Variants in PCDH1 observed in about 807,000 individuals in gnomAD.
PCDH1 encodes protocadherin-1.
In PCDH1, 23 loss-of-function variants were observed where a neutral mutation model predicts 74.6. That is an observed-to-expected ratio of 0.31 (90% confidence interval 0.22 to 0.44). PCDH1 has a LOEUF of 0.44. Among genes scored for constraint, PCDH1 ranks in the 20% least tolerant of loss-of-function variants. The pLI, the probability that PCDH1 is intolerant of heterozygous loss-of-function variation, is 1.00. For synonymous variants in PCDH1, 647 were observed against 686.1 expected, an observed-to-expected ratio of 0.94 and a Z score of 0.89; for missense variants, 1,214 against 1,641.4, an observed-to-expected ratio of 0.74 and a Z score of 4.50.
Position 141,863,869 on chromosome 5 carries a change from A to T in PCDH1, c.2462T>A (p.Leu821Gln). 3 of 1,614,190 alleles carry T rather than the reference A, an allele frequency of 1.9e-6. No individual in the cohort carries two copies. Among genetic ancestry groups the T allele is most frequent in the Non-Finnish European group, 2.5e-6 (3 of 1,180,026 alleles). Residue 821 changes from leucine (L) to glutamine (Q), a missense_variant, in exon 3 of 5, where the codon CTG becomes CAG. Physicochemically the swap from Leu to Gln is moderately radical, Grantham distance 113. Around this residue, in one of 4 missense-constraint regions of PCDH1, gnomAD observed 836 missense variants for 1,182.2 expected, o/e 0.71. Coordinates refer to ENST00000287008, the MANE Select transcript of PCDH1 (RefSeq NM_032420.5). The surrounding 1 kb of genome is among the most constrained non-coding windows in gnomAD (Gnocchi z 7.5). The part of the protein sequence containing the change: ...YVNETLANRT[L>Q]LETLLGHSLD... ...GCTGTGGCCCAGGAGGGTCTCCAGCAGCGTGCGGTTGGCCAGAGTCTCATT... is the reference window on the plus strand; with the variant it reads ...GCTGTGGCCCAGGAGGGTCTCCAGCTGCGTGCGGTTGGCCAGAGTCTCATT...
intron 4 of PCDH1, among the ~76,000 whole-genome samples, 200 bp from the exon 5 acceptor site, chr5:141,854,636 G>A (rs1245406453): frequency 1.3e-5 from 2 of 151,774 alleles, no homozygotes; most frequent in African/African-American, 2.4e-5. Flanking sequence ...CTGTACACAC[G>A]CACACGCACA....
At chr5:141,855,473 ACTCT>A (rs141008706) in intron 4 of PCDH1, among the ~76,000 whole-genome samples, 10 of 149,600 alleles carry the variant, frequency 6.7e-5, no homozygotes, top group Non-Finnish European at 1.2e-4. Flanking sequence ...GACACAATCA[ACTCT>A]CTCTCTCTCT....
rs1752768882 is a variant in PCDH1 at position 141,865,223 on chromosome 5, G to A, written c.1108C>T (p.Arg370Cys). ...TTCACGGTCACAACCACCTGGGCAC[G>A]GGCACTCTTGGGGTTGGTGCCTCGG... is the stretch of plus-strand genomic sequence containing the variant. ...KDRGTNPKSA[R>C]AQVVVTVKDM... The change falls in exon 3 of 5, where the codon CGT becomes TGT. Residue 370 changes from arginine to cysteine, a missense_variant. This residue lies in a region of PCDH1 where 836 missense variants were observed against 1,182.2 expected (regional missense o/e 0.71). Coordinates refer to ENST00000287008, the MANE Select transcript of PCDH1 (RefSeq NM_032420.5). This position sits in a 1 kb window ranked among gnomAD's most constrained non-coding sequence, Gnocchi z 4.4. 7 of 1,614,024 alleles carry A rather than the reference G, an allele frequency of 4.3e-6. No homozygotes were observed. Among genetic ancestry groups the A allele is most frequent in the Non-Finnish European group, 5.1e-6 (6 of 1,180,038 alleles).
At position 141,863,568 on chromosome 5, in the gene PCDH1, G is replaced by C; in HGVS notation, c.2763C>G (p.Pro921=). Residue 921 remains proline (P), a synonymous_variant, in exon 3 of 5, where the codon CCC becomes CCG. Coordinates refer to ENST00000287008, the MANE Select transcript of PCDH1 (RefSeq NM_032420.5). The surrounding 1 kb of genome is among the most constrained non-coding windows in gnomAD (Gnocchi z 7.5). ...SKGKKSKSPK[P]VKPVEDEDEA... is the part of the protein sequence containing the mutation. ...CATCCTCGTCCTCCACTGGCTTCACGGGCTTTGGGGACTTGCTCTTCTTGC... is the reference window on the plus strand; with the variant it reads ...CATCCTCGTCCTCCACTGGCTTCACCGGCTTTGGGGACTTGCTCTTCTTGC... 6.2e-7 allele frequency: 1 copy of C among 1,614,164 alleles called. No homozygotes were observed. The highest frequency in any genetic ancestry group is 8.5e-7 in the Non-Finnish European group (1 of 1,180,012).
chr5:141,864,597 A>G lies in PCDH1; in HGVS notation c.1734T>C (p.Tyr578=), dbSNP rs375340350. The G allele has an allele frequency of 1.2e-6, 2 of 1,613,594 alleles. No homozygotes were observed. Among genetic ancestry groups the G allele is most frequent in the Non-Finnish European group, 1.7e-6 (2 of 1,180,022 alleles). ...TSLDREQRES[Y]ELKVVAADRG... is the part of the protein sequence containing the mutation. ...GGTCAGCTGCCACCACCTTCAACTC[A>G]TAGCTCTCCCGCTGTTCCCGATCCA... The change falls in exon 3 of 5, where the codon TAT becomes TAC. Residue 578 remains tyrosine (Y), a synonymous_variant. Transcript: ENST00000287008. The surrounding 1 kb of genome is among the most constrained non-coding windows in gnomAD (Gnocchi z 5.9).
At chr5:141,874,667 C>T (rs1753175980) in intron 1 of PCDH1, among the ~76,000 whole-genome samples, 1 of 152,186 alleles carries the variant, frequency 6.6e-6, no homozygotes, top group Admixed American at 6.5e-5. Flanking sequence ...CCAGCCCACC[C>T]CGGGGACCAA....
In PCDH1 at chr5:141,868,187, C is replaced by G. The variant is rs540366985; in HGVS notation, c.903+382G>C. ...AACTATCCCTGGTTGGGAAGATACT[C>G]TCATCTCAGGAGAGATTCTACCTGG... On this transcript the variant is annotated intron_variant, in intron 2 of 4. Coordinates refer to ENST00000287008, the MANE Select transcript of PCDH1 (RefSeq NM_032420.5). The surrounding 1 kb of genome is among the most constrained non-coding windows in gnomAD (Gnocchi z 4.8). 3.3e-5 allele frequency among the ~76,000 whole-genome samples: 5 copies of G among 152,354 alleles called. No individual in the cohort carries two copies. In the South Asian group the frequency reaches 8.3e-4, roughly 25 times the overall value.
intron 3 of PCDH1, chr5:141,862,559 G>T: frequency 1.1e-6 from 1 of 890,298 alleles, no homozygotes; most frequent in East Asian, 1.2e-4. Context: ...CAAAGAGAAG[G>T]GAAGGGGAAA....
intron 4 of PCDH1, chr5:141,856,362 AC>A: frequency 1.7e-5 from 1 of 57,674 alleles, no homozygotes; most frequent in Non-Finnish European, 3.2e-5. Context: ...GGGAGGTTAG[AC>A]AAGGGCCCGG....
chr5:141,869,604 T>C lies in PCDH1; in HGVS notation c.41-173A>G. On this transcript the variant is annotated intron_variant, in intron 1 of 4. Coordinates refer to ENST00000287008, the MANE Select transcript of PCDH1 (RefSeq NM_032420.5). This position sits in a 1 kb window ranked among gnomAD's most constrained non-coding sequence, Gnocchi z 4.9. The stretch of plus-strand genomic sequence containing the variant: ...CAGAAACTCAGATCCCTGAATCTCA[T>C]CCACAGCTGGGTGTAGCAGCAGTGT... 1 of 1,534,844 alleles carries C rather than the reference T, an allele frequency of 6.5e-7. No homozygotes were observed. Among genetic ancestry groups the C allele is most frequent in the South Asian group, 1.2e-5 (1 of 83,220 alleles).
intron 3 of PCDH1, among the ~76,000 whole-genome samples, chr5:141,860,292 C>T (rs1030054144): frequency 2.6e-5 from 4 of 152,062 alleles, no homozygotes; most frequent in South Asian, 4.1e-4. Flanking sequence ...GTGGGCAGAT[C>T]GCTTGAGCCC....
chr5:141,858,133 C>A (rs62381421), intron 3 of PCDH1, among the ~76,000 whole-genome samples: 20,833 of 152,228 alleles, frequency 0.14, 1,651 homozygotes, highest in Non-Finnish European at 0.18. Context: ...CTGTGTTCCT[C>A]ATCCCTGGTT....
At chr5:141,859,844 C>T (rs1752498339) in intron 3 of PCDH1, among the ~76,000 whole-genome samples, 1 of 152,196 alleles carries the variant, frequency 6.6e-6, no homozygotes, top group South Asian at 2.1e-4. Context: ...CTCAGTTCAT[C>T]TAAAACACTC....
chr5:141,862,954 G>A, intron 3 of PCDH1: 1 of 1,240,784 alleles, frequency 8.1e-7, no homozygotes, highest in Non-Finnish European at 1.0e-6. Flanking sequence ...CCAGTAGCTG[G>A]TCCAGGGTCC....
intron 2 of PCDH1, among the ~76,000 whole-genome samples, chr5:141,866,467 T>A (rs901268941): frequency 6.6e-6 from 1 of 152,082 alleles, no homozygotes; most frequent in African/African-American, 2.4e-5. Context: ...GGCCATGGGG[T>A]ACTACTGGGC....
chr5:141,877,852 C>T (rs1304717137), intron 1 of PCDH1, among the ~76,000 whole-genome samples: 1 of 152,176 alleles, frequency 6.6e-6, no homozygotes, highest in Non-Finnish European at 1.5e-5. Flanking sequence ...TTGCTTGCTC[C>T]GTCCTCCGGG....
chr5:141,874,829 C>A (rs1753179275), intron 1 of PCDH1, among the ~76,000 whole-genome samples: 1 of 152,162 alleles, frequency 6.6e-6, no homozygotes, highest in Admixed American at 6.5e-5. Context: ...AAGGGACAAA[C>A]GGACTGTCGC....
intron 1 of PCDH1, among the ~76,000 whole-genome samples, chr5:141,874,089 C>T (rs1753161574): frequency 1.3e-5 from 2 of 152,106 alleles, no homozygotes; most frequent in Non-Finnish European, 2.9e-5. Context: ...TATGTCACAC[C>T]CGCCTCCCCA....
At chr5:141,876,786 C>T (rs1296906464) in intron 1 of PCDH1, among the ~76,000 whole-genome samples, 1 of 149,820 alleles carries the variant, frequency 6.7e-6, no homozygotes, top group African/African-American at 2.5e-5. Flanking sequence ...CGGGACCCAC[C>T]AAGGTGTGTG....
Sources: allele counts gnomAD v4.1 joint callset (sites outside exome capture counted in the v4.1 genomes callset), GRCh38; gene constraint gnomAD v4.1.1; regional missense constraint gnomAD v4.1.1; non-coding constraint Gnocchi (gnomAD v3.1); transcripts MANE v1.5; gene names NCBI Gene and HGNC (gene_info 2026-07-23, HGNC 2026-07-21).